Variants in IMMP2L observed in about 807,000 individuals in gnomAD.
The protein encoded by IMMP2L is inner mitochondrial membrane peptidase subunit 2, also known as mitochondrial inner membrane protease subunit 2.
In IMMP2L, 18 loss-of-function variants were observed where a neutral mutation model predicts 19.3. That is an observed-to-expected ratio of 0.93 (90% CI 0.64 to 1.38). The LOEUF is 1.38. Ranked by LOEUF, IMMP2L falls within the 40% of genes most tolerant of loss-of-function variation. The pLI is 0.00. For synonymous variants in IMMP2L, 76 were observed against 73.0 expected (o/e 1.04, Z -0.21); for missense variants, 233 against 218.2 (o/e 1.07, Z -0.43).
intron 3 of IMMP2L, among the ~76,000 whole-genome samples, chr7:111,025,493 T>G: frequency 6.6e-6 from 1 of 152,172 alleles, no homozygotes; most frequent in East Asian, 1.9e-4. Context: ...TTAGAAATAT[T>G]TCCATCTAAA....
intron 3 of IMMP2L, among the ~76,000 whole-genome samples, chr7:111,089,008 A>G (rs548868843): frequency 1.3e-5 from 2 of 152,322 alleles, no homozygotes; most frequent in South Asian, 2.1e-4. Context: ...AAAAATGAGT[A>G]TAAAATATTT....
chr7:111,086,359 G>C (rs998304178), intron 3 of IMMP2L, among the ~76,000 whole-genome samples: 1 of 151,866 alleles, frequency 6.6e-6, no homozygotes, highest in Non-Finnish European at 1.5e-5. Context: ...AGGAACATTT[G>C]AGCCCAGGAT....
intron 5 of IMMP2L, among the ~76,000 whole-genome samples, chr7:110,848,924 A>C (rs1243548749): frequency 6.6e-6 from 1 of 152,120 alleles, no homozygotes; most frequent in African/African-American, 2.4e-5. Context: ...GTTGGGAGGA[A>C]AGGATAAAAA....
chr7:111,186,268 G>A (rs1465856809), intron 3 of IMMP2L, among the ~76,000 whole-genome samples: 1 of 151,952 alleles, frequency 6.6e-6, no homozygotes, highest in Non-Finnish European at 1.5e-5. Flanking sequence ...TGACACCAAT[G>A]TATATGCTGC....
intron 3 of IMMP2L, among the ~76,000 whole-genome samples, chr7:111,165,685 T>C (rs1805741506): frequency 6.6e-6 from 1 of 152,064 alleles, no homozygotes; most frequent in Admixed American, 6.6e-5. Flanking sequence ...AGACTTGTGA[T>C]AAGCCCTTGA....
rs185625254 is a variant in IMMP2L at position 110,953,243 on chromosome 7, T to C, written c.305+10257A>G. On this transcript the variant is annotated intron_variant, in intron 4 of 5. Transcript: ENST00000405709. Reference sequence around the variant, plus strand: ...CAGTTTTGTTACATAGGTATATACATGCCATGGTGGTTTGCTGCAACCATC... The same window carrying C: ...CAGTTTTGTTACATAGGTATATACACGCCATGGTGGTTTGCTGCAACCATC... Among the ~76,000 whole-genome samples, 95 of 152,262 alleles carry C rather than the reference T, an allele frequency of 6.2e-4. 1 individual carries two copies. Among genetic ancestry groups the C allele is most frequent in the Middle Eastern group, 3.4e-3 (1 of 294 alleles).
chr7:111,071,954 T>A (rs1794990019), intron 3 of IMMP2L, among the ~76,000 whole-genome samples: 1 of 152,138 alleles, frequency 6.6e-6, no homozygotes, highest in Admixed American at 6.5e-5. Context: ...AGACTGCTGA[T>A]GATACCATCC....
At chr7:110,679,849 T>C (rs987752742) in intron 5 of IMMP2L, among the ~76,000 whole-genome samples, 2 of 152,324 alleles carry the variant, frequency 1.3e-5, no homozygotes, top group East Asian at 3.9e-4. Context: ...CCAAGATAGT[T>C]GCTGTGACTA....
At chr7:111,465,620 A>G (rs1462304966) in intron 3 of IMMP2L, among the ~76,000 whole-genome samples, 3 of 152,060 alleles carry the variant, frequency 2.0e-5, no homozygotes. Context: ...CAAAACCACA[A>G]TGAGATACCA....
At chr7:111,120,045 A>G (rs182342647) in intron 3 of IMMP2L, among the ~76,000 whole-genome samples, 72 of 152,326 alleles carry the variant, frequency 4.7e-4, no homozygotes, top group African/African-American at 1.7e-3. Context: ...AGCTCTACCA[A>G]TAGGGAGAAG....
chr7:111,260,356 T>C (rs567988340), intron 3 of IMMP2L, among the ~76,000 whole-genome samples: 3 of 152,298 alleles, frequency 2.0e-5, no homozygotes, highest in African/African-American at 7.2e-5. Context: ...ACCACCATCA[T>C]ACATGCAGCT....
intron 3 of IMMP2L, among the ~76,000 whole-genome samples, chr7:111,181,648 T>G (rs1014701408): frequency 6.6e-6 from 1 of 152,132 alleles, no homozygotes; most frequent in African/African-American, 2.4e-5. Flanking sequence ...CTTTCCAATT[T>G]TGGAAGCAGA....
At chr7:111,320,336 G>A (rs558779620) in intron 3 of IMMP2L, among the ~76,000 whole-genome samples, 1 of 152,156 alleles carries the variant, frequency 6.6e-6, no homozygotes, top group East Asian at 1.9e-4. Flanking sequence ...CATTCTTACA[G>A]TCCAAATTCT....
At chr7:111,008,020 A>G (rs75534409) in intron 3 of IMMP2L, among the ~76,000 whole-genome samples, 2 of 152,102 alleles carry the variant, frequency 1.3e-5, no homozygotes, top group Non-Finnish European at 2.9e-5. Context: ...CCTTCAAAAT[A>G]TATCTAGAAT....
At chr7:110,810,925 A>T (rs1801992321) in intron 5 of IMMP2L, among the ~76,000 whole-genome samples, 1 of 152,164 alleles carries the variant, frequency 6.6e-6, no homozygotes, top group African/African-American at 2.4e-5. Context: ...AAATGTGCTG[A>T]GATGCGTAAA....
intron 5 of IMMP2L, among the ~76,000 whole-genome samples, chr7:110,885,747 G>A (rs1449069270): frequency 6.6e-6 from 1 of 151,958 alleles, no homozygotes; most frequent in Non-Finnish European, 1.5e-5. Flanking sequence ...TGTAAGAAGG[G>A]CATTCTAATC....
chr7:111,197,111 G>T (rs1294101835), intron 3 of IMMP2L, among the ~76,000 whole-genome samples: 3 of 151,994 alleles, frequency 2.0e-5, no homozygotes, highest in South Asian at 2.1e-4. Context: ...TACTGAAAAG[G>T]TTGAGGAAGT....
chr7:110,720,428 G>A (rs1228328014), intron 5 of IMMP2L, among the ~76,000 whole-genome samples: 1 of 152,112 alleles, frequency 6.6e-6, no homozygotes, highest in Non-Finnish European at 1.5e-5. Context: ...AAAGGGATGA[G>A]CTGAAGCAAC....
At chr7:111,506,114 T>A (rs1051751864) in intron 2 of IMMP2L, among the ~76,000 whole-genome samples, 1 of 151,410 alleles carries the variant, frequency 6.6e-6, no homozygotes, top group African/African-American at 2.4e-5. Flanking sequence ...ACAAAAATTT[T>A]AAAAATTAGC....
Sources: allele counts gnomAD v4.1 joint callset (sites outside exome capture counted in the v4.1 genomes callset), GRCh38; gene constraint gnomAD v4.1.1; transcripts MANE v1.5; gene names NCBI Gene and HGNC (gene_info 2026-07-23, HGNC 2026-07-21).